The following MYOZ2 variants were observed in gnomAD, a reference collection of about 807,000 sequenced individuals.
MYOZ2 encodes the protein myozenin 2.
Under a neutral mutation model 25.4 loss-of-function variants are expected in MYOZ2, and 19 were observed. The ratio of observed to expected loss-of-function variants is 0.75; its 90% CI spans 0.52 to 1.10. The LOEUF (loss-of-function observed/expected upper bound fraction) is 1.10, where lower values mean the gene tolerates loss of function less well. Among genes scored for constraint, MYOZ2 ranks in the 50% least tolerant of loss-of-function variants. MYOZ2 has a pLI of 0.00. For synonymous variants in MYOZ2, 92 were observed against 106.9 expected, an observed-to-expected ratio of 0.86 and a Z score of 0.86; for missense variants, 270 against 317.9, an observed-to-expected ratio of 0.85 and a Z score of 1.15.
rs1456292972 is a variant in MYOZ2 at position 119,186,335 on chromosome 4, T to G, written c.*135T>G. Reference sequence around the variant, plus strand: ...TTTAGTGATTTTCCTTTTCTGACATTCAATTTCAATCTCAGATCAAATACT... The same window carrying G: ...TTTAGTGATTTTCCTTTTCTGACATGCAATTTCAATCTCAGATCAAATACT... On this transcript the variant is annotated 3_prime_UTR_variant, in exon 6 of 6. Coordinates refer to ENST00000307128, the MANE Select transcript of MYOZ2 (RefSeq NM_016599.5). The G allele has an allele frequency of 1.5e-6, 1 of 675,752 alleles. No homozygotes were observed. Among genetic ancestry groups the G allele is most frequent in the African/African-American group, 1.8e-5 (1 of 55,364 alleles). 41.9% of individuals were successfully genotyped at this position (675,752 alleles called of 1,614,324 possible). A position where few individuals can be genotyped will look rare whatever the true frequency, so the allele number is the denominator to read the frequency against.
rs1441660732 is a variant in MYOZ2, at chr4:119,174,392, T to C, written c.560+9998T>C. On this transcript the variant is annotated intron_variant, in intron 5 of 5. Transcript: ENST00000307128. ...AGCTCAGGGTTTGTGAATGCACCAA[T>C]GGACACTCTGTATCTAGCTGCTCTG... 3.9e-5 allele frequency among the ~76,000 whole-genome samples: 6 copies of C among 152,286 alleles called. No individual in the cohort carries two copies. The East Asian group carries it at 1.2e-3, about 30-fold the overall frequency.
At chr4:119,150,765 T>C in intron 2 of MYOZ2, 107 bp from the exon 3 acceptor site, 2 of 1,122,846 alleles carry the variant, frequency 1.8e-6, no homozygotes, top group South Asian at 2.7e-5. Context: ...ATGACATACT[T>C]ATGATTATGC....
At chr4:119,175,558 C>T (rs1356620987) in intron 5 of MYOZ2, among the ~76,000 whole-genome samples, 2 of 151,860 alleles carry the variant, frequency 1.3e-5, no homozygotes, top group Admixed American at 6.6e-5. Flanking sequence ...TCGAGACCAC[C>T]CTGGCCAACA....
At chr4:119,152,429 A>C (rs1282336730) in intron 3 of MYOZ2, among the ~76,000 whole-genome samples, 6 of 152,130 alleles carry the variant, frequency 3.9e-5, no homozygotes, top group Admixed American at 3.9e-4. Context: ...AAGTTTAGAC[A>C]TTTGAATAAA....
chr4:119,174,592 G>A (rs1742015714), intron 5 of MYOZ2, among the ~76,000 whole-genome samples: 1 of 152,122 alleles, frequency 6.6e-6, no homozygotes, highest in Admixed American at 6.5e-5. Context: ...ATCTGATGGG[G>A]AGGTGGAGAA....
chr4:119,159,746 T>C (rs1417086827), intron 4 of MYOZ2, among the ~76,000 whole-genome samples: 1 of 152,182 alleles, frequency 6.6e-6, no homozygotes, highest in East Asian at 1.9e-4. Flanking sequence ...GAGATAATGT[T>C]ATACAGGTAC....
intron 2 of MYOZ2, among the ~76,000 whole-genome samples, chr4:119,144,570 T>C (rs1360801669): frequency 6.6e-6 from 1 of 152,218 alleles, no homozygotes; most frequent in Non-Finnish European, 1.5e-5. Flanking sequence ...AGCAGCTATG[T>C]ATGAGTGACC....
At chr4:119,146,406 A>T (rs978805231) in intron 2 of MYOZ2, among the ~76,000 whole-genome samples, 4 of 151,934 alleles carry the variant, frequency 2.6e-5, no homozygotes, top group African/African-American at 9.7e-5. Flanking sequence ...TGTTTCCCAT[A>T]AATTTTGATA....
intron 4 of MYOZ2, among the ~76,000 whole-genome samples, chr4:119,161,110 C>G (rs1741698359): frequency 6.6e-6 from 1 of 152,026 alleles, no homozygotes. Context: ...GGAGATCAAC[C>G]TTTTTTAGCT....
At chr4:119,176,843 C>T (rs75330965) in intron 5 of MYOZ2, among the ~76,000 whole-genome samples, 1,952 of 152,296 alleles carry the variant, frequency 0.013, 18 homozygotes, top group Non-Finnish European at 0.02. Flanking sequence ...TTTTCAAACT[C>T]TATTAGTATG....
In MYOZ2 at chr4:119,159,566, T is replaced by G. The variant is rs141659348; in HGVS notation, c.376+1415T>G. On this transcript the variant is annotated intron_variant, in intron 4 of 5. Transcript: ENST00000307128. ...AAGTAACCTATAGTGTCTTTGAAAA[T>G]TCAAGCATTTCCTCAAGAGTAGTGT... Among the ~76,000 whole-genome samples, 1,314 of 152,254 alleles carry G rather than the reference T, an allele frequency of 8.6e-3. 73 individuals carry two copies. Among genetic ancestry groups the G allele is most frequent in the Admixed American group, 0.075 (1,149 of 15,278 alleles).
chr4:119,163,454 G>T (rs146182566), intron 4 of MYOZ2, among the ~76,000 whole-genome samples: 1 of 152,312 alleles, frequency 6.6e-6, no homozygotes, highest in Admixed American at 6.5e-5. Context: ...AAAACTGGAA[G>T]AGTGTCACTC....
chr4:119,186,316 G>A lies in MYOZ2; in HGVS notation c.*116G>A. Reference sequence around the variant, plus strand: ...TTAGTAGCAACAATAGCAATTTAGTGATTTTCCTTTTCTGACATTCAATTT... The same window carrying A: ...TTAGTAGCAACAATAGCAATTTAGTAATTTTCCTTTTCTGACATTCAATTT... On this transcript the variant is annotated 3_prime_UTR_variant, in exon 6 of 6. Transcript: ENST00000307128. 1.3e-6 allele frequency: 1 copy of A among 765,746 alleles called. No individual in the cohort carries two copies. Among genetic ancestry groups the A allele is most frequent in the Middle Eastern group, 2.5e-4 (1 of 3,938 alleles). The allele number at this position is 765,746 out of a possible 1,614,324, so 47.4% of individuals were successfully genotyped here.
chr4:119,141,835 A>G (rs2149218944), intron 2 of MYOZ2, among the ~76,000 whole-genome samples: 1 of 152,366 alleles, frequency 6.6e-6, no homozygotes, highest in East Asian at 1.9e-4. Context: ...AGGGCAGGCA[A>G]CAGCTGAACT....
chr4:119,159,824 G>A (rs1156860821), intron 4 of MYOZ2, among the ~76,000 whole-genome samples: 1 of 152,068 alleles, frequency 6.6e-6, no homozygotes, highest in Non-Finnish European at 1.5e-5. Context: ...AGCACGATGA[G>A]AAAAACTGTG....
intron 5 of MYOZ2, among the ~76,000 whole-genome samples, chr4:119,172,236 A>G (rs1741962038): frequency 2.0e-5 from 3 of 152,234 alleles, no homozygotes; most frequent in Admixed American, 2.0e-4. Flanking sequence ...CCCTGCCTAG[A>G]CAGAGCTGAT....
At chr4:119,145,855 G>A (rs948797697) in intron 2 of MYOZ2, among the ~76,000 whole-genome samples, 1 of 152,036 alleles carries the variant, frequency 6.6e-6, no homozygotes, top group African/African-American at 2.4e-5. Context: ...CCTTTTGTGG[G>A]GTGAGGAGAT....
At chr4:119,152,473 A>C (rs1437693458) in intron 3 of MYOZ2, among the ~76,000 whole-genome samples, 1 of 152,118 alleles carries the variant, frequency 6.6e-6, no homozygotes, top group Non-Finnish European at 1.5e-5. Flanking sequence ...TTCCACTTAC[A>C]TCTCTAGGAA....
intron 5 of MYOZ2, among the ~76,000 whole-genome samples, chr4:119,179,558 T>A (rs1742145673): frequency 6.6e-6 from 1 of 152,168 alleles, no homozygotes; most frequent in African/African-American, 2.4e-5. Flanking sequence ...AAAGTGAGTG[T>A]CCCTATCTAC....
Sources: gnomAD v4.1 joint callset for allele counts (sites outside exome capture counted in the v4.1 genomes callset) on GRCh38, gnomAD v4.1.1 for gene constraint, MANE v1.5 for transcripts, NCBI Gene and HGNC (gene_info 2026-07-23, HGNC 2026-07-21) for gene names.